Variants in NOBOX observed in about 807,000 individuals in gnomAD.
NOBOX encodes homeobox protein NOBOX.
Under a neutral mutation model 60.2 loss-of-function variants are expected in NOBOX, and 46 were observed. The observed-to-expected ratio is 0.76, with a 90% confidence interval of 0.60 to 0.98. The LOEUF (loss-of-function observed/expected upper bound fraction) is 0.98, where lower values mean the gene tolerates loss of function less well. Among genes scored for constraint, NOBOX ranks in the 50% least tolerant of loss-of-function variants. NOBOX has a pLI of 0.00. For missense variants in NOBOX, 880 were observed against 865.5 expected, an observed-to-expected ratio of 1.02 and a Z score of -0.21; for synonymous variants, 360 against 346.3, an observed-to-expected ratio of 1.04 and a Z score of -0.44.
Position 144,398,569 on chromosome 7 carries a change from G to T in NOBOX, c.1487C>A (p.Pro496His), listed in dbSNP as rs1203231695. Residue 496 changes from proline (P) to histidine (H), a missense_variant, in exon 9 of 10, where the codon CCC (proline) becomes CAC (histidine). Coordinates refer to ENST00000467773, the MANE Select transcript of NOBOX (RefSeq NM_001080413.3). The stretch of plus-strand genomic sequence containing the variant: ...CTCCAGCTCCTCCAAATATGAACAG[G>T]GGGGTGGCAGGGTGATGCTGCAAGG... The T allele has an allele frequency of 1.2e-5, 18 of 1,535,818 alleles. No individual in the cohort carries two copies. The highest frequency in any genetic ancestry group is 2.4e-5 in the East Asian group (1 of 40,880).
Position 144,400,387 on chromosome 7 carries a change from C to T in NOBOX, c.845-75G>A, listed in dbSNP as rs567738892. 3.1e-6 allele frequency: 4 copies of T among 1,307,154 alleles called. No individual in the cohort carries two copies. In the South Asian group the frequency reaches 5.0e-5, roughly 16 times the overall value. 81.0% of individuals were successfully genotyped at this position (1,307,154 alleles called of 1,614,324 possible). A position where few individuals can be genotyped will look rare whatever the true frequency, so the allele number is the denominator to read the frequency against. On this transcript the variant is annotated intron_variant, in intron 4 of 9. Transcript: ENST00000467773. ...AGGTGAAGAGAAAGAGAGGTGCTCACCAAGTATCTCCAACAGATGGGGCCA... is the reference window on the plus strand; with the variant it reads ...AGGTGAAGAGAAAGAGAGGTGCTCATCAAGTATCTCCAACAGATGGGGCCA...
At chr7:144,403,934 C>A (rs563950298) in intron 2 of NOBOX, among the ~76,000 whole-genome samples, 10 of 152,186 alleles carry the variant, frequency 6.6e-5, no homozygotes, top group South Asian at 4.1e-4. Context: ...TCCGCTCCCC[C>A]CAGCCAGGAG....
Position 144,401,339 on chromosome 7 carries a change from T to G in NOBOX, c.551A>C (p.Asp184Ala), listed in dbSNP as rs761048012. Residue 184 changes from aspartate (D) to alanine (A), a missense_variant, in exon 4 of 10, where the codon GAT becomes GCT. Asp to Ala is a moderately radical substitution (Grantham distance 126). Coordinates refer to ENST00000467773, the MANE Select transcript of NOBOX (RefSeq NM_001080413.3). This position sits in a 1 kb window ranked among gnomAD's most constrained non-coding sequence, Gnocchi z 4.2. ...CACCTCTCCCACTGGGAGGGAACAA[T>G]CTTCCCCCTGAGTCTGGGGCCTGGA... 1 of 1,613,724 alleles carries G rather than the reference T, an allele frequency of 6.2e-7. No homozygotes were observed. The highest frequency in any genetic ancestry group is 8.5e-7 in the Non-Finnish European group (1 of 1,179,766).
intron 2 of NOBOX, among the ~76,000 whole-genome samples, chr7:144,403,055 C>T (rs2053954663): frequency 6.6e-6 from 1 of 152,288 alleles, no homozygotes; most frequent in South Asian, 2.1e-4. Context: ...CTGCGCCTGA[C>T]CCTAGGAATG....
At chr7:144,407,746 A>G (rs1328455396) in intron 1 of NOBOX, among the ~76,000 whole-genome samples, 1 of 152,232 alleles carries the variant, frequency 6.6e-6, no homozygotes, top group Non-Finnish European at 1.5e-5. Context: ...ACACCTGGCT[A>G]GAGTGGAAAC....
At position 144,399,002 on chromosome 7, in the gene NOBOX, C is replaced by T; in HGVS notation, c.1417G>A (p.Ala473Thr). The T allele has an allele frequency of 6.3e-7, 1 of 1,586,284 alleles. No individual in the cohort carries two copies. Among genetic ancestry groups the T allele is most frequent in the Non-Finnish European group, 8.6e-7 (1 of 1,166,752 alleles). The change falls in exon 8 of 10, where the codon GCT (alanine) becomes ACT (threonine). Residue 473 changes from alanine (A) to threonine (T), a missense_variant. By Grantham distance (58) the Ala-to-Thr change is moderately conservative (BLOSUM62 0). Transcript: ENST00000467773. ...TCCTTGTGGCTGCTGTCACTGCCAG[C>T]AACATCCATCAGCAGTGGCATCAGT...
In NOBOX at chr7:144,398,936, C is replaced by T. The variant is rs752775856; in HGVS notation, c.1469+14G>A. On this transcript the variant is annotated intron_variant, in intron 8 of 9. Transcript: ENST00000467773. ...CCAGATAACTAGAGTGACCTACCCC[C>T]GTAGGTTCCTTACCTTGTCCCCCAG... The T allele has an allele frequency of 2.0e-5, 29 of 1,444,510 alleles. No homozygotes were observed. The East Asian group carries it at 2.7e-4, about 13-fold the overall frequency. 89.5% of individuals were successfully genotyped at this position (1,444,510 alleles called of 1,614,324 possible).
At position 144,401,172 on chromosome 7, in the gene NOBOX, C is replaced by T. The variant is rs370427014; in HGVS notation, c.718G>A (p.Gly240Arg). 1.2e-5 allele frequency: 20 copies of T among 1,613,006 alleles called. No individual in the cohort carries two copies. The highest frequency in any genetic ancestry group is 1.5e-5 in the Non-Finnish European group (18 of 1,179,358). ...AGGAGATTGGCCAGGTGGCAGGGCC[C>T]CCGGCCTGACCCACAGGGCACTGGG... Residue 240 changes from glycine to arginine, a missense_variant, in exon 4 of 10, where the codon GGG becomes AGG. Transcript: ENST00000467773. This position sits in a 1 kb window ranked among gnomAD's most constrained non-coding sequence, Gnocchi z 4.2.
rs2053921317 is a variant in NOBOX at position 144,399,572 on chromosome 7, CT to C, written c.1155-91del. ...GCCAGGAGAGACACCAATTCCCAAA[CT>C]CTGCCTCCTACAGGGCATTGGCAAC... On this transcript the variant is annotated intron_variant, in intron 6 of 9. Transcript: ENST00000467773. The C allele has an allele frequency of 9.7e-6, 12 of 1,233,632 alleles. 1 individual carries two copies. Among genetic ancestry groups the C allele is most frequent in the Middle Eastern group, 4.4e-4 (2 of 4,592 alleles). The allele number at this position is 1,233,632 out of a possible 1,614,324, so 76.4% of individuals were successfully genotyped here. A position where few individuals can be genotyped will look rare whatever the true frequency, so the allele number is the denominator to read the frequency against.
rs1345865347 is a variant in NOBOX at position 144,397,561 on chromosome 7, A to T, written c.1775-20T>A. ...CTGTACCTGTGGGGTCGGAGGGTGT[A>T]GGAATTACCAGACAGGATGGAGAGT... is the stretch of plus-strand genomic sequence containing the variant. On this transcript the variant is annotated intron_variant, in intron 9 of 9. Coordinates refer to ENST00000467773, the MANE Select transcript of NOBOX (RefSeq NM_001080413.3). 1.3e-5 allele frequency: 19 copies of T among 1,490,178 alleles called. No homozygotes were observed. The highest frequency in any genetic ancestry group is 1.7e-5 in the Non-Finnish European group (19 of 1,121,430). 92.3% of individuals were successfully genotyped at this position (1,490,178 alleles called of 1,614,324 possible).
In NOBOX at chr7:144,401,509, C is replaced by T. The variant is rs1372918279; in HGVS notation, c.381G>A (p.Gln127=). ...TGCAGGAGGGTGGCAGTTCCTCACTCTGAGTGTCCTGAGCATGAGGGGCTG... is the reference window on the plus strand; with the variant it reads ...TGCAGGAGGGTGGCAGTTCCTCACTTTGAGTGTCCTGAGCATGAGGGGCTG... Residue 127 remains glutamine, a synonymous_variant, in exon 4 of 10, where the codon CAG becomes CAA. Coordinates refer to ENST00000467773, the MANE Select transcript of NOBOX (RefSeq NM_001080413.3). This position sits in a 1 kb window ranked among gnomAD's most constrained non-coding sequence, Gnocchi z 4.2. 1 of 1,528,770 alleles carries T rather than the reference C, an allele frequency of 6.5e-7. No individual in the cohort carries two copies. The highest frequency in any genetic ancestry group is 2.3e-5 in the East Asian group (1 of 44,290). The allele number at this position is 1,528,770 out of a possible 1,614,324, so 94.7% of individuals were successfully genotyped here. A position where few individuals can be genotyped will look rare whatever the true frequency, so the allele number is the denominator to read the frequency against.
chr7:144,399,024 C>T lies in NOBOX; in HGVS notation c.1395G>A (p.Leu465=). 1 of 1,594,986 alleles carries T rather than the reference C, an allele frequency of 6.3e-7. No homozygotes were observed. Among genetic ancestry groups the T allele is most frequent in the Non-Finnish European group, 8.5e-7 (1 of 1,171,360 alleles). The change falls in exon 8 of 10, where the codon CTG becomes CTA. Residue 465 remains leucine, a synonymous_variant. Transcript: ENST00000467773. ...CAGCAACATCCATCAGCAGTGGCATCAGTTGGGGGGTGTGGACAGGGCCAA... is the reference window on the plus strand; with the variant it reads ...CAGCAACATCCATCAGCAGTGGCATTAGTTGGGGGGTGTGGACAGGGCCAA...
chr7:144,400,001 T>C (rs944448558), intron 5 of NOBOX, 138 bp from the exon 4 acceptor site: 74 of 1,360,732 alleles, frequency 5.4e-5, no homozygotes, highest in Non-Finnish European at 7.4e-5. Flanking sequence ...GTCAGGCTGG[T>C]TTTATCAAAA....
chr7:144,401,673 T>C lies in NOBOX; in HGVS notation c.293-76A>G, dbSNP rs576936216. 97 of 1,416,246 alleles carry C rather than the reference T, an allele frequency of 6.8e-5. No homozygotes were observed. In the African/African-American group the frequency reaches 9.8e-4, roughly 14 times the overall value. The allele number at this position is 1,416,246 out of a possible 1,614,324, so 87.7% of individuals were successfully genotyped here. A position where few individuals can be genotyped will look rare whatever the true frequency, so the allele number is the denominator to read the frequency against. ...TGGACCAAGAGGAAGTGCTGCTTCC[T>C]GCTTTGCAAACGGTTTGATCTTAAG... On this transcript the variant is annotated intron_variant, in intron 3 of 9. Transcript: ENST00000467773. The surrounding 1 kb of genome is among the most constrained non-coding windows in gnomAD (Gnocchi z 4.2).
At chr7:144,400,904 C>A (rs1030731461) in intron 4 of NOBOX, 142 bp downstream of exon 2, 1 of 596,978 alleles carries the variant, frequency 1.7e-6, no homozygotes, top group Non-Finnish European at 2.6e-6. Flanking sequence ...TGCACTACCG[C>A]GGCCCAAGAG....
Position 144,397,503 on chromosome 7 carries a change from G to T in NOBOX, c.1813C>A (p.Pro605Thr). 6.5e-7 allele frequency: 1 copy of T among 1,535,906 alleles called. No homozygotes were observed. Among genetic ancestry groups the T allele is most frequent in the Non-Finnish European group, 8.7e-7 (1 of 1,146,024 alleles). ...TGTGGGCAGAACGGACCAGGGAAGG[G>T]CAGCTCTGGCAAACAGGGGTCACTC... Residue 605 changes from proline (P) to threonine (T), a missense_variant, in exon 10 of 10, where the codon CCC becomes ACC. Transcript: ENST00000467773.
chr7:144,406,754 T>C (rs2053988362), intron 1 of NOBOX, among the ~76,000 whole-genome samples: 1 of 152,214 alleles, frequency 6.6e-6, no homozygotes, highest in Non-Finnish European at 1.5e-5. Flanking sequence ...TTTTGATATA[T>C]CTTGTTAAGT....
At chr7:144,408,031 C>G (rs1372725510) in intron 1 of NOBOX, among the ~76,000 whole-genome samples, 1 of 152,052 alleles carries the variant, frequency 6.6e-6, no homozygotes, top group African/African-American at 2.4e-5. Flanking sequence ...GGATTGCAAT[C>G]GCTGTGCTAA....
chr7:144,399,447 T>A lies in NOBOX; in HGVS notation c.1190A>T (p.Glu397Val). ...CTGAGGGAAAGGGTCAGGCTTTGGC[T>A]CCATGGGCACAGCAGGTAGGATCTC... The change falls in exon 7 of 10, where the codon GAG becomes GTG. Residue 397 changes from glutamate to valine, a missense_variant. Transcript: ENST00000467773. The A allele has an allele frequency of 6.3e-7, 1 of 1,587,272 alleles. No individual in the cohort carries two copies. The highest frequency in any genetic ancestry group is 8.6e-7 in the Non-Finnish European group (1 of 1,166,622).
Sources: gnomAD v4.1 joint callset for allele counts (sites outside exome capture counted in the v4.1 genomes callset) on GRCh38, gnomAD v4.1.1 for gene constraint, Gnocchi (gnomAD v3.1) non-coding constraint, MANE v1.5 for transcripts, NCBI Gene and HGNC (gene_info 2026-07-23, HGNC 2026-07-21) for gene names.